Variants in SLC14A2 observed in about 807,000 individuals in gnomAD.
SLC14A2 encodes urea transporter 2.
In SLC14A2, 91 loss-of-function variants were observed where a neutral mutation model predicts 104.6. That is an observed-to-expected ratio of 0.87 (90% CI 0.73 to 1.04). The LOEUF is 1.04. SLC14A2 is among the 50% of genes least tolerant of loss of function. The probability of loss-of-function intolerance (pLI) is 0.00; values close to 1 mark genes in which losing one functional copy is unlikely to be tolerated. For synonymous variants in SLC14A2, 476 were observed against 466.4 expected, an observed-to-expected ratio of 1.02 and a Z score of -0.27; for missense variants, 1,189 against 1,156.0, an observed-to-expected ratio of 1.03 and a Z score of -0.41.
At chr18:45,195,800 G>A in the SLC14A2 span, among the ~76,000 whole-genome samples, 44 of 152,216 alleles carry the variant, frequency 2.9e-4, no homozygotes, top group African/African-American at 9.4e-4. Context: ...ATAGAATAGC[G>A]TAGGATTGGA....
At chr18:45,338,193 T>C (rs939031704) in intron 1 of SLC14A2, among the ~76,000 whole-genome samples, 1 of 152,104 alleles carries the variant, frequency 6.6e-6, no homozygotes, top group Non-Finnish European at 1.5e-5. Context: ...CCTGTTTTTT[T>C]GTTTGTTTGT....
In SLC14A2 at chr18:45,539,894, TA is replaced by T. The variant is rs531647287; in HGVS notation, c.-35+56586del. Among the ~76,000 whole-genome samples, 994 of 135,486 alleles carry T rather than the reference TA, an allele frequency of 7.3e-3. 12 individuals are homozygous for T. Among genetic ancestry groups the T allele is most frequent in the African/African-American group, 0.018 (648 of 36,512 alleles). 88.9% of individuals were successfully genotyped at this position (135,486 alleles called of 152,430 possible). On this transcript the variant is annotated intron_variant, in intron 2 of 20. Coordinates refer to the SLC14A2 transcript ENST00000586448. Reference sequence around the variant, plus strand: ...ACAGAAAGAAAAAAAATGAAAAGAGTAAAAAAAAAAAAAATTTAAAAAAAAC... The same window carrying T: ...ACAGAAAGAAAAAAAATGAAAAGAGTAAAAAAAAAAAAATTTAAAAAAAAC...
rs1203097460 is a variant in SLC14A2 at position 45,652,042 on chromosome 18, A to G, written c.1351+7882A>G. ...CAGCCTGAGTTTGTGGTTATATCAG[A>G]CCAGTGTGCAAACATCGTGGAACAT... On this transcript the variant is annotated intron_variant, in intron 10 of 19. Coordinates refer to ENST00000255226, the MANE Select transcript of SLC14A2 (RefSeq NM_007163.4). Among the ~76,000 whole-genome samples, 4 of 152,200 alleles carry G rather than the reference A, an allele frequency of 2.6e-5. No individual in the cohort carries two copies. In the East Asian group the frequency reaches 7.7e-4, roughly 29 times the overall value.
intron 1 of SLC14A2, among the ~76,000 whole-genome samples, chr18:45,458,614 T>C (rs1426941604): frequency 6.6e-6 from 1 of 152,240 alleles, no homozygotes. Flanking sequence ...CAGCCATTTC[T>C]ACTTCAGTGG....
chr18:45,322,042 T>G (rs1237629502), intron 1 of SLC14A2, among the ~76,000 whole-genome samples: 1 of 152,210 alleles, frequency 6.6e-6, no homozygotes, highest in Non-Finnish European at 1.5e-5. Flanking sequence ...GTGACGTTTT[T>G]GATGGCAGAA....
chr18:45,314,862 C>A (rs941077227), intron 1 of SLC14A2, among the ~76,000 whole-genome samples: 1 of 152,064 alleles, frequency 6.6e-6, no homozygotes, highest in Non-Finnish European at 1.5e-5. Flanking sequence ...TAAAAGGGGG[C>A]GCAGAGATAA....
At chr18:45,468,437 G>A (rs900574333) in intron 1 of SLC14A2, among the ~76,000 whole-genome samples, 1 of 151,860 alleles carries the variant, frequency 6.6e-6, no homozygotes, top group African/African-American at 2.4e-5. Flanking sequence ...GCTTGTTCTG[G>A]TGTAAAGAAT....
At chr18:45,237,146 G>C (rs2084263117) in intron 1 of SLC14A2, among the ~76,000 whole-genome samples, 1 of 152,094 alleles carries the variant, frequency 6.6e-6, no homozygotes, top group Admixed American at 6.5e-5. Flanking sequence ...TTTTCATTTG[G>C]TGGCAATAGA....
intron 10 of SLC14A2, among the ~76,000 whole-genome samples, chr18:45,663,534 A>C (rs771710355): frequency 3.9e-5 from 6 of 152,184 alleles, no homozygotes; most frequent in Non-Finnish European, 8.8e-5. Flanking sequence ...CTAAGAAATA[A>C]GGCAAACTGC....
intron 1 of SLC14A2, among the ~76,000 whole-genome samples, chr18:45,464,146 A>G (rs1252184770): frequency 6.6e-6 from 1 of 152,228 alleles, no homozygotes; most frequent in African/African-American, 2.4e-5. Flanking sequence ...TCTACCCAAC[A>G]GAAGTAGTGG....
At chr18:45,505,366 A>G (rs1399170458) in intron 2 of SLC14A2, among the ~76,000 whole-genome samples, 3 of 152,270 alleles carry the variant, frequency 2.0e-5, no homozygotes, top group African/African-American at 7.2e-5. Flanking sequence ...ATGTAAATTC[A>G]TTTTCCTTTC....
intron 2 of SLC14A2, among the ~76,000 whole-genome samples, chr18:45,600,201 G>A (rs1299401305): frequency 6.6e-6 from 1 of 152,136 alleles, no homozygotes; most frequent in Non-Finnish European, 1.5e-5. Flanking sequence ...TTTCTTCCAC[G>A]AGTGCTCTTT....
At chr18:45,433,461 C>T (rs2086549135) in intron 1 of SLC14A2, among the ~76,000 whole-genome samples, 1 of 152,184 alleles carries the variant, frequency 6.6e-6, no homozygotes, top group Non-Finnish European at 1.5e-5. Flanking sequence ...TCAACTTTCT[C>T]CAATCCTCCA....
chr18:45,666,907 G>A, intron 12 of SLC14A2, 28 bp from the exon 13 acceptor site: 1 of 1,604,066 alleles, frequency 6.2e-7, no homozygotes, highest in Non-Finnish European at 8.5e-7. Context: ...GAATGTGGGA[G>A]ACTCTTGCCT....
chr18:45,426,373 T>C (rs1200240626), intron 1 of SLC14A2, among the ~76,000 whole-genome samples: 2 of 151,914 alleles, frequency 1.3e-5, no homozygotes, highest in Non-Finnish European at 2.9e-5. Context: ...TGGATTGTGG[T>C]TTTCCTGAAG....
chr18:45,364,452 C>T (rs1413446471), intron 1 of SLC14A2, among the ~76,000 whole-genome samples: 3 of 152,236 alleles, frequency 2.0e-5, no homozygotes, highest in Non-Finnish European at 2.9e-5. Context: ...GGAGTTGTTC[C>T]TCTGTAGTAT....
intron 2 of SLC14A2, among the ~76,000 whole-genome samples, chr18:45,510,926 A>G (rs1471130346): frequency 1.3e-5 from 2 of 152,166 alleles, no homozygotes; most frequent in African/African-American, 4.8e-5. Flanking sequence ...ACACATGCAC[A>G]CCAAATGCTG....
chr18:45,399,390 C>T (rs1598757369), intron 1 of SLC14A2, among the ~76,000 whole-genome samples: 1 of 152,292 alleles, frequency 6.6e-6, no homozygotes, highest in East Asian at 1.9e-4. Context: ...GAATGCAGCC[C>T]TTGAAGCCAC....
chr18:45,346,161 CT>C (rs1031773360), intron 1 of SLC14A2, among the ~76,000 whole-genome samples: 6 of 151,942 alleles, frequency 3.9e-5, no homozygotes, highest in East Asian at 1.9e-4. Context: ...CTGGGTTCTC[CT>C]TTTTTTTCCC....
Sources: gnomAD v4.1 joint callset for allele counts (sites outside exome capture counted in the v4.1 genomes callset) on GRCh38, gnomAD v4.1.1 for gene constraint, MANE v1.5 for transcripts, NCBI Gene and HGNC (gene_info 2026-07-23, HGNC 2026-07-21) for gene names.